Variants in ZNF730 observed in about 807,000 individuals in gnomAD.
The protein encoded by ZNF730 is putative zinc finger protein 730.
Under a neutral mutation model 12.6 loss-of-function variants are expected in ZNF730, and 12 were observed. The observed-to-expected ratio is 0.95, with a 90% confidence interval of 0.61 to 1.54. ZNF730 has a LOEUF of 1.54. ZNF730 is among the 40% of genes most tolerant of loss of function. The pLI is 0.00. For missense variants in ZNF730, 643 were observed against 583.5 expected (o/e 1.10, Z -1.05); for synonymous variants, 194 against 195.8 (o/e 0.99, Z 0.08).
chr19:23,110,427 C>T (rs1018081202), intron 1 of ZNF730, among the ~76,000 whole-genome samples: 4 of 143,096 alleles, frequency 2.8e-5, no homozygotes, highest in African/African-American at 1.0e-4. Context: ...CAGGCATGCA[C>T]CACCATGCCT....
upstream of ZNF730, chr19:23,116,911 C>G (rs73029453): frequency 0.059 from 34,961 of 596,116 alleles, 973 homozygotes; most frequent in Middle Eastern, 0.1. Context: ...ATCTGTCACT[C>G]AGGGCCTGAG....
intron 1 of ZNF730, among the ~76,000 whole-genome samples, chr19:23,094,043 C>T (rs934265767): frequency 6.6e-5 from 10 of 152,148 alleles, no homozygotes; most frequent in East Asian, 1.9e-4. Flanking sequence ...GCAGAGGGTG[C>T]GATTGTGGCT....
intron 2 of ZNF730, 138 bp from the exon 3 acceptor site, chr19:23,135,810 C>G (rs1040540687): frequency 6.4e-6 from 5 of 783,738 alleles, no homozygotes. Flanking sequence ...CGTGCCTGGT[C>G]TATTTAGAAA....
intron 1 of ZNF730, among the ~76,000 whole-genome samples, chr19:23,085,115 T>C (rs1393751199): frequency 2.0e-5 from 3 of 152,176 alleles, no homozygotes; most frequent in African/African-American, 7.2e-5. Context: ...CACAACCTCG[T>C]CAGCATCTGT....
At chr19:23,126,783 A>T in intron 1 of ZNF730, 1 of 509,796 alleles carries the variant, frequency 2.0e-6, no homozygotes, top group Non-Finnish European at 3.9e-6. Flanking sequence ...AGTTTTAGCC[A>T]GCAGAACATC....
intron 1 of ZNF730, among the ~76,000 whole-genome samples, chr19:23,128,757 G>T (rs1385009343): frequency 1.3e-5 from 2 of 152,166 alleles, no homozygotes; most frequent in African/African-American, 4.8e-5. Flanking sequence ...ATTTTTTGAG[G>T]AGAAATTTAA....
At chr19:23,097,017 A>C (rs1401199139) in intron 1 of ZNF730, among the ~76,000 whole-genome samples, 1 of 152,152 alleles carries the variant, frequency 6.6e-6, no homozygotes, top group Admixed American at 6.5e-5. Context: ...CATATCATTG[A>C]GTCCAATGCC....
intron 3 of ZNF730, among the ~76,000 whole-genome samples, chr19:23,140,810 G>A (rs1332720490): frequency 1.3e-5 from 2 of 150,972 alleles, no homozygotes; most frequent in Non-Finnish European, 2.9e-5. Context: ...AAATTGGCCA[G>A]GCATGGTGGC....
intron 1 of ZNF730, among the ~76,000 whole-genome samples, chr19:23,092,184 G>T (rs1205912737): frequency 6.6e-6 from 1 of 152,040 alleles, no homozygotes; most frequent in African/African-American, 2.4e-5. Flanking sequence ...AGGGCCTTTT[G>T]CCTCCCACCA....
At chr19:23,122,582 A>C (rs188865959) in intron 1 of ZNF730, among the ~76,000 whole-genome samples, 1 of 152,348 alleles carries the variant, frequency 6.6e-6, no homozygotes, top group East Asian at 1.9e-4. Context: ...TAATTATCTC[A>C]TATTTGCAGG....
At chr19:23,129,037 A>G (rs1018833507) in intron 1 of ZNF730, among the ~76,000 whole-genome samples, 6 of 152,192 alleles carry the variant, frequency 3.9e-5, no homozygotes, top group African/African-American at 1.4e-4. Context: ...CTGTGGGTTC[A>G]CGGAAGTCAA....
chr19:23,092,484 G>A (rs1970175339), intron 1 of ZNF730, among the ~76,000 whole-genome samples: 2 of 152,132 alleles, frequency 1.3e-5, no homozygotes. Flanking sequence ...AGCTACTTGG[G>A]AGGCTGAAAC....
At chr19:23,091,336 T>C (rs1729041) in intron 1 of ZNF730, among the ~76,000 whole-genome samples, 18,409 of 152,166 alleles carry the variant, frequency 0.12, 1,532 homozygotes, top group African/African-American at 0.23. Flanking sequence ...GCTAGGGCAG[T>C]GTGGAAGGGA....
chr19:23,104,378 A>G (rs988209923), intron 1 of ZNF730, among the ~76,000 whole-genome samples: 1 of 151,980 alleles, frequency 6.6e-6, no homozygotes, highest in Non-Finnish European at 1.5e-5. Flanking sequence ...AACAAGAGTT[A>G]AGTAAATGGA....
chr19:23,140,960 A>G (rs1970907818), intron 3 of ZNF730, among the ~76,000 whole-genome samples: 1 of 151,946 alleles, frequency 6.6e-6, no homozygotes. Flanking sequence ...TCAAAAAAAA[A>G]CTAAGTATTC....
At chr19:23,117,311 C>T (rs1970542377) in intron 1 of ZNF730, 135 bp downstream of exon 1, 1 of 1,528,234 alleles carries the variant, frequency 6.5e-7, no homozygotes, top group African/African-American at 1.4e-5. Flanking sequence ...CCAGCTCGGC[C>T]TCAGTCCCCT....
At chr19:23,077,501 T>C (rs1969885658) in intron 1 of ZNF730, among the ~76,000 whole-genome samples, 1 of 141,626 alleles carries the variant, frequency 7.1e-6, no homozygotes, top group Admixed American at 7.9e-5. Context: ...GCAGTAGCAG[T>C]GTCTTGGCTC....
chr19:23,118,375 T>TTG (rs1012228594), intron 1 of ZNF730, among the ~76,000 whole-genome samples: 40 of 151,644 alleles, frequency 2.6e-4, no homozygotes, highest in East Asian at 1.5e-3. Flanking sequence ...TGTTTTTTTT[T>TTG]TTTGTTTTTT....
intron 1 of ZNF730, among the ~76,000 whole-genome samples, chr19:23,105,000 A>G (rs1253557166): frequency 6.6e-6 from 1 of 152,220 alleles, no homozygotes; most frequent in Non-Finnish European, 1.5e-5. Flanking sequence ...ATCGAAGCCA[A>G]TCTAAAAGGC....
Sources: gnomAD v4.1 joint callset for allele counts (sites outside exome capture counted in the v4.1 genomes callset) on GRCh38, gnomAD v4.1.1 for gene constraint, MANE v1.5 for transcripts, NCBI Gene and HGNC (gene_info 2026-07-23, HGNC 2026-07-21) for gene names.